Variants in CAVIN4 observed in about 807,000 individuals in gnomAD.
CAVIN4 encodes caveolae-associated protein 4.
A neutral mutation model predicts 18.6 loss-of-function variants in CAVIN4; 10 were observed. The ratio of observed to expected loss-of-function variants is 0.54; its 90% CI spans 0.33 to 0.91. CAVIN4 has a LOEUF of 0.91. CAVIN4 is among the 40% of genes least tolerant of loss of function. The probability of loss-of-function intolerance (pLI) is 0.02; values close to 1 mark genes in which losing one functional copy is unlikely to be tolerated. For synonymous variants in CAVIN4, 173 were observed against 164.8 expected (o/e 1.05, Z -0.38); for missense variants, 459 against 440.5 (o/e 1.04, Z -0.38).
chr9:100,584,319 T>G (rs868641475), intron 1 of CAVIN4, among the ~76,000 whole-genome samples: 5 of 152,238 alleles, frequency 3.3e-5, no homozygotes, highest in Non-Finnish European at 7.3e-5. Context: ...TATAAGCTCT[T>G]TCACTCTTTT....
rs1402565939 is a variant in CAVIN4, at chr9:100,586,403, A to G, written c.1047A>G (p.Lys349=). 5 of 1,614,024 alleles carry G rather than the reference A, an allele frequency of 3.1e-6. No homozygotes were observed. The highest frequency in any genetic ancestry group is 2.7e-5 in the African/African-American group (2 of 74,920). The change falls in exon 2 of 2, where the codon AAA becomes AAG. Residue 349 remains lysine, a synonymous_variant. Transcript: ENST00000307584. ...AAGTTACTTTTAAATCTCAGGTGAA[A>G]GTAGAGGATGATGAATCTCTTTTGT... The part of the protein sequence containing the change: ...PLKVTFKSQV[K]VEDDESLLLD...
intron 1 of CAVIN4, 45 bp from the exon 2 acceptor site, chr9:100,585,720 A>T: frequency 1.4e-6 from 2 of 1,467,474 alleles, no homozygotes; most frequent in Non-Finnish European, 1.9e-6. Context: ...GCTGCTCTAT[A>T]GTGCAAAGGA....
At chr9:100,584,514 C>T (rs556316976) in intron 1 of CAVIN4, among the ~76,000 whole-genome samples, 3 of 152,338 alleles carry the variant, frequency 2.0e-5, no homozygotes, top group African/African-American at 7.2e-5. Context: ...CACATGATCT[C>T]TGCTTTCAAG....
In CAVIN4 at chr9:100,585,424, A is replaced by G. The variant is rs763579119; in HGVS notation, c.409-341A>G. On this transcript the variant is annotated intron_variant, in intron 1 of 1. Coordinates refer to ENST00000307584, the MANE Select transcript of CAVIN4 (RefSeq NM_001018116.2). Reference sequence around the variant, plus strand: ...ATGGGCCTTGATTTTTAGACTTGCTAAGTTCAAGATGACTGTGTAACCTCA... The same window carrying G: ...ATGGGCCTTGATTTTTAGACTTGCTGAGTTCAAGATGACTGTGTAACCTCA... 2.6e-5 allele frequency among the ~76,000 whole-genome samples: 4 copies of G among 152,216 alleles called. No homozygotes were observed. In the South Asian group the frequency reaches 6.2e-4, roughly 24 times the overall value.
intron 1 of CAVIN4, among the ~76,000 whole-genome samples, chr9:100,582,356 CTT>C (rs1459526530): frequency 6.6e-6 from 1 of 152,054 alleles, no homozygotes; most frequent in Non-Finnish European, 1.5e-5. Context: ...CTCTCTCTCT[CTT>C]TTAAAGAGAC....
At chr9:100,581,534 G>A (rs1839427442) in intron 1 of CAVIN4, among the ~76,000 whole-genome samples, 1 of 152,162 alleles carries the variant, frequency 6.6e-6, no homozygotes, top group Non-Finnish European at 1.5e-5. Flanking sequence ...ACAATCTTCA[G>A]TTATTATAAC....
rs1839501104 is a variant in CAVIN4, at chr9:100,587,927, A to G, written c.*1476A>G. 1 of 152,210 alleles carries G rather than the reference A, an allele frequency of 6.6e-6. No homozygotes were observed. Among genetic ancestry groups the G allele is most frequent in the Non-Finnish European group, 1.5e-5 (1 of 68,044 alleles). The allele number at this position is 152,210 out of a possible 1,614,324, so 9.4% of individuals were successfully genotyped here. A position where few individuals can be genotyped will look rare whatever the true frequency, so the allele number is the denominator to read the frequency against. Reference sequence around the variant, plus strand: ...AAAAAGAAAAGAAAGAAATGGTAGTACTGATTCTGTACTTGAAGGATGTTT... The same window carrying G: ...AAAAAGAAAAGAAAGAAATGGTAGTGCTGATTCTGTACTTGAAGGATGTTT... On this transcript the variant is annotated 3_prime_UTR_variant, in exon 2 of 2. Coordinates refer to ENST00000307584, the MANE Select transcript of CAVIN4 (RefSeq NM_001018116.2).
chr9:100,585,454 G>T (rs1000531874), intron 1 of CAVIN4, among the ~76,000 whole-genome samples: 9 of 152,204 alleles, frequency 5.9e-5, no homozygotes, highest in Non-Finnish European at 1.0e-4. Flanking sequence ...ACCTCAAACT[G>T]TGGAGCAGTC....
At position 100,587,546 on chromosome 9, in the gene CAVIN4, G is replaced by T. The variant is rs560550042; in HGVS notation, c.*1095G>T. On this transcript the variant is annotated 3_prime_UTR_variant, in exon 2 of 2. Transcript: ENST00000307584. ...GAAGCCAGATTCTCCTTATCTTTTA[G>T]CTTTAGATCGTGGAATCCAGGAAGT... 1.3e-5 allele frequency: 2 copies of T among 152,264 alleles called. No individual in the cohort carries two copies. Among genetic ancestry groups the T allele is most frequent in the Admixed American group, 6.5e-5 (1 of 15,284 alleles). The allele number at this position is 152,264 out of a possible 1,614,324, so 9.4% of individuals were successfully genotyped here. A position where few individuals can be genotyped will look rare whatever the true frequency, so the allele number is the denominator to read the frequency against.
chr9:100,584,936 GTA>G (rs1311798080), intron 1 of CAVIN4, among the ~76,000 whole-genome samples: 1 of 152,216 alleles, frequency 6.6e-6, no homozygotes, highest in East Asian at 1.9e-4. Flanking sequence ...GAGAGTGATT[GTA>G]TGTTTCTGGG....
chr9:100,584,122 C>A (rs982433642), intron 1 of CAVIN4, among the ~76,000 whole-genome samples: 2 of 152,166 alleles, frequency 1.3e-5, no homozygotes, highest in South Asian at 4.1e-4. Context: ...CTTCCCAGAT[C>A]TATACACAGC....
chr9:100,585,592 G>C (rs1360230168), intron 1 of CAVIN4, among the ~76,000 whole-genome samples, 173 bp from the exon 2 acceptor site: 5 of 152,236 alleles, frequency 3.3e-5, no homozygotes, highest in African/African-American at 1.2e-4. Flanking sequence ...AAGCCTGGGA[G>C]ATGAAGAAGA....
intron 1 of CAVIN4, 42 bp from the exon 2 acceptor site, chr9:100,585,723 G>T: frequency 1.3e-6 from 2 of 1,507,752 alleles, no homozygotes; most frequent in Non-Finnish European, 1.8e-6. Flanking sequence ...GCTCTATAGT[G>T]CAAAGGAAGC....
chr9:100,583,626 T>C (rs1009800486), intron 1 of CAVIN4, among the ~76,000 whole-genome samples: 1 of 49,426 alleles, frequency 2.0e-5, no homozygotes, highest in Non-Finnish European at 4.7e-5. Flanking sequence ...TATTCATTCA[T>C]TCATTCATTC....
At chr9:100,581,482 A>G (rs1839427011) in intron 1 of CAVIN4, 1 of 152,236 alleles carries the variant, frequency 6.6e-6, no homozygotes, top group Non-Finnish European at 1.5e-5. Flanking sequence ...TTTATATTAA[A>G]AGATACAATT....
chr9:100,583,788 A>G (rs1839450783), intron 1 of CAVIN4, among the ~76,000 whole-genome samples: 2 of 152,202 alleles, frequency 1.3e-5, no homozygotes, highest in Admixed American at 6.5e-5. Flanking sequence ...ATGGGATTAC[A>G]GGCATGTCCC....
rs1226803498 is a variant in CAVIN4, at chr9:100,578,104, T to C, written c.-40T>C. 6.2e-7 allele frequency: 1 copy of C among 1,609,610 alleles called. No homozygotes were observed. On this transcript the variant is annotated 5_prime_UTR_variant, in exon 1 of 2. Coordinates refer to ENST00000307584, the MANE Select transcript of CAVIN4 (RefSeq NM_001018116.2). ...GACTTTTTGCTCCAAGTGCCAGAAT[T>C]GATTGTGGTTAGGACATCTTACGCT...
Position 100,586,216 on chromosome 9 carries a change from A to C in CAVIN4, c.860A>C (p.Glu287Ala), listed in dbSNP as rs1231559548. 1.3e-6 allele frequency: 2 copies of C among 1,559,498 alleles called. No homozygotes were observed. Among genetic ancestry groups the C allele is most frequent in the Non-Finnish European group, 1.7e-6 (2 of 1,155,074 alleles). Residue 287 changes from glutamate to alanine, a missense_variant, in exon 2 of 2, where the codon GAA (glutamate) becomes GCA (alanine). Transcript: ENST00000307584. ...GACCGAACAGTGGCTGAAGGTGAGG[A>C]ATGTGCCAGGGAGATGGGTGTGGAC... ...GKDRTVAEGE[E>A]CAREMGVDII...
At chr9:100,580,383 T>A (rs1329553679) in intron 1 of CAVIN4, among the ~76,000 whole-genome samples, 1 of 152,212 alleles carries the variant, frequency 6.6e-6, no homozygotes, top group Non-Finnish European at 1.5e-5. Flanking sequence ...AAATGTAGTA[T>A]CCATTCTTTG....
Sources: gnomAD v4.1 joint callset for allele counts (sites outside exome capture counted in the v4.1 genomes callset) on GRCh38, gnomAD v4.1.1 for gene constraint, MANE v1.5 for transcripts, NCBI Gene and HGNC (gene_info 2026-07-23, HGNC 2026-07-21) for gene names.